Variants in COL4A2 observed in about 807,000 individuals in gnomAD.
COL4A2 encodes the protein collagen type IV alpha 2 chain.
A neutral mutation model predicts 200.2 loss-of-function variants in COL4A2; 99 were observed. The ratio of observed to expected loss-of-function variants is 0.49; its 90% CI spans 0.42 to 0.58. The LOEUF (loss-of-function observed/expected upper bound fraction) is 0.58. COL4A2 is among the 20% of genes least tolerant of loss of function. COL4A2 has a pLI of 0.00. For synonymous variants in COL4A2, 897 were observed against 900.6 expected, an observed-to-expected ratio of 1.00 and a Z score of 0.07; for missense variants, 1,950 against 2,314.1, an observed-to-expected ratio of 0.84 and a Z score of 3.23.
At chr13:110,397,448 T>A (rs1458951272) in intron 4 of COL4A2, among the ~76,000 whole-genome samples, 1 of 152,232 alleles carries the variant, frequency 6.6e-6, no homozygotes, top group African/African-American at 2.4e-5. Flanking sequence ...TGAATTTTTA[T>A]TTCTCATTTC....
intron 3 of COL4A2, among the ~76,000 whole-genome samples, chr13:110,323,879 G>A (rs916054780): frequency 2.0e-5 from 3 of 152,190 alleles, no homozygotes; most frequent in Admixed American, 2.0e-4. Context: ...GGGACTTTTT[G>A]TTCAGAATCA....
chr13:110,320,413 T>C (rs1439869865), intron 3 of COL4A2, among the ~76,000 whole-genome samples: 2 of 152,258 alleles, frequency 1.3e-5, no homozygotes, highest in Non-Finnish European at 2.9e-5. Flanking sequence ...GATTGGAATT[T>C]AATGGTCTAG....
In COL4A2 at chr13:110,456,296, CGT is replaced by C. The variant is rs568471032; in HGVS notation, c.1340-1039_1340-1038del. 2.4e-3 allele frequency: 509 copies of C among 212,472 alleles called. 3 individuals carry two copies. The highest frequency in any genetic ancestry group is 2.8e-3 in the Non-Finnish European group (294 of 105,572). The allele number at this position is 212,472 out of a possible 1,614,324, so 13.2% of individuals were successfully genotyped here. On this transcript the variant is annotated intron_variant, in intron 20 of 47. Coordinates refer to ENST00000360467, the MANE Select transcript of COL4A2 (RefSeq NM_001846.4). The stretch of plus-strand genomic sequence containing the variant: ...ATTAGCATAACAGTTATCCTAACTC[CGT>C]GTGTGTGCATGTAAGGCATGAAAGA...
chr13:110,462,263 C>T lies in COL4A2; in HGVS notation c.1670-15C>T, dbSNP rs371324929. The T allele has an allele frequency of 5.0e-5, 80 of 1,614,130 alleles. No homozygotes were observed. Among genetic ancestry groups the T allele is most frequent in the Non-Finnish European group, 6.6e-5 (78 of 1,180,048 alleles). On this transcript the variant is annotated splice_polypyrimidine_tract_variant and intron_variant, in intron 23 of 47. Transcript: ENST00000360467. Reference sequence around the variant, plus strand: ...GCACCTGCCTGGGCAGCTTCACATGCAAATCCCTTTCTAGGTGAGCGGGGA... The same window carrying T: ...GCACCTGCCTGGGCAGCTTCACATGTAAATCCCTTTCTAGGTGAGCGGGGA...
chr13:110,509,268 T>TACACACACACACACAC (rs1474219877), intron 47 of COL4A2, among the ~76,000 whole-genome samples: 5 of 120,622 alleles, frequency 4.1e-5, no homozygotes, highest in African/African-American at 1.9e-4. Flanking sequence ...TATATATATA[T>TACACACACACACACAC]ATACACACAC....
intron 4 of COL4A2, among the ~76,000 whole-genome samples, chr13:110,373,589 A>G (rs972856042): frequency 1.7e-4 from 26 of 152,362 alleles, no homozygotes; most frequent in African/African-American, 5.8e-4. Context: ...ATTCACACTC[A>G]GGGGTGTCTC....
At chr13:110,320,340 C>T (rs1885245290) in intron 3 of COL4A2, among the ~76,000 whole-genome samples, 1 of 152,248 alleles carries the variant, frequency 6.6e-6, no homozygotes, top group African/African-American at 2.4e-5. Context: ...ACTCCCAGTG[C>T]TGTGATTTCT....
chr13:110,451,493 T>G (rs56414063), intron 20 of COL4A2, among the ~76,000 whole-genome samples: 4,568 of 152,150 alleles, frequency 0.03, 212 homozygotes, highest in African/African-American at 0.1. Context: ...CCTCGGGAAA[T>G]TTACAATCAT....
Position 110,472,985 on chromosome 13 carries a change from TC to T in COL4A2, c.2264del (p.Pro755GlnfsTer65). The T allele has an allele frequency of 6.5e-7, 1 of 1,538,464 alleles. No individual in the cohort carries two copies. Among genetic ancestry groups the T allele is most frequent in the Non-Finnish European group, 8.7e-7 (1 of 1,143,792 alleles). On this transcript the variant is annotated frameshift_variant, in exon 29 of 48. Transcript: ENST00000360467. LOFTEE classifies it high-confidence loss of function. ...AGTGGGCCTCCCTGGCCCAGATGGA[TC>T]CCCAGGTCCCATCGGCCTGCCAGGG... ...GAVGLPGPDG[S>X]PGPIGLPGPD...
intron 31 of COL4A2, 120 bp downstream of exon 31, chr13:110,480,510 A>C: frequency 9.3e-7 from 1 of 1,072,584 alleles, no homozygotes; most frequent in Non-Finnish European, 1.3e-6. Context: ...ACACTTCTGC[A>C]GATTGGAGGC....
intron 3 of COL4A2, among the ~76,000 whole-genome samples, chr13:110,345,765 T>C (rs771997847): frequency 1.3e-5 from 2 of 152,262 alleles, no homozygotes; most frequent in East Asian, 3.9e-4. Flanking sequence ...TTTCTGGCAA[T>C]TGGTCCACTG....
At chr13:110,450,238 C>T in intron 19 of COL4A2, 67 bp from the exon 20 acceptor site, 4 of 1,452,808 alleles carry the variant, frequency 2.8e-6, no homozygotes, top group Non-Finnish European at 3.8e-6. Context: ...CCCCTCTGGA[C>T]ACGAACACAA....
chr13:110,506,479 C>G lies in COL4A2; in HGVS notation c.4467C>G (p.Gly1489=). 6.2e-7 allele frequency: 1 copy of G among 1,612,612 alleles called. No individual in the cohort carries two copies. The highest frequency in any genetic ancestry group is 1.1e-5 in the South Asian group (1 of 90,928). Residue 1489 remains glycine, a synonymous_variant, in exon 46 of 48, where the codon GGC becomes GGG. Coordinates refer to ENST00000360467, the MANE Select transcript of COL4A2 (RefSeq NM_001846.4). ...TGCCAGGCCGCAGCGTCAGCATCGG[C>G]TACCTCCTGGTGAAGCACAGCCAGA... ...PGMPGRSVSI[G]YLLVKHSQTD... is the part of the protein sequence containing the mutation.
At chr13:110,380,602 A>G (rs758388251) in intron 4 of COL4A2, among the ~76,000 whole-genome samples, 1 of 152,190 alleles carries the variant, frequency 6.6e-6, no homozygotes, top group Non-Finnish European at 1.5e-5. Flanking sequence ...AGAGGGCACT[A>G]GGAGGCTCAT....
rs1255964452 is a variant in COL4A2, at chr13:110,377,706, AT to A, written c.180+20155del. ...GGCTTTGACTATGGGGAAATTCATTATGTTGAGCTAACCTTGGTGAAACAAT... is the reference window on the plus strand; with the variant it reads ...GGCTTTGACTATGGGGAAATTCATTAGTTGAGCTAACCTTGGTGAAACAAT... On this transcript the variant is annotated intron_variant, in intron 4 of 47. Coordinates refer to ENST00000360467, the MANE Select transcript of COL4A2 (RefSeq NM_001846.4). Among the ~76,000 whole-genome samples, 8 of 152,250 alleles carry A rather than the reference AT, an allele frequency of 5.3e-5. No individual in the cohort carries two copies. In the East Asian group the frequency reaches 1.5e-3, roughly 29 times the overall value.
intron 4 of COL4A2, among the ~76,000 whole-genome samples, chr13:110,376,610 G>A (rs78234607): frequency 0.041 from 6,259 of 151,938 alleles, 145 homozygotes; most frequent in Middle Eastern, 0.12. Context: ...GCAAATTATC[G>A]GAAGGAATGC....
rs7335080 is a variant in COL4A2, at chr13:110,326,052, G to A, written c.99+17929G>A. On this transcript the variant is annotated intron_variant, in intron 3 of 47. Transcript: ENST00000360467. ...CCTCCCTCCTTGGCCTCCCAAAGTAGTGGGATTACGGGCATGAGCCACCAA... is the reference window on the plus strand; with the variant it reads ...CCTCCCTCCTTGGCCTCCCAAAGTAATGGGATTACGGGCATGAGCCACCAA... 8.9e-3 allele frequency among the ~76,000 whole-genome samples: 1,355 copies of A among 152,204 alleles called. 30 individuals carry two copies. Among genetic ancestry groups the A allele is most frequent in the African/African-American group, 0.03 (1,261 of 41,518 alleles).
chr13:110,445,704 G>C (rs928902570), intron 16 of COL4A2, 125 bp from the exon 17 acceptor site: 3 of 1,262,000 alleles, frequency 2.4e-6, no homozygotes, highest in Non-Finnish European at 3.4e-6. Flanking sequence ...ATTGAGCACA[G>C]ACTGGGTTAA....
At chr13:110,311,016 G>A (rs527476612) in intron 3 of COL4A2, among the ~76,000 whole-genome samples, 2 of 152,310 alleles carry the variant, frequency 1.3e-5, no homozygotes, top group African/African-American at 4.8e-5. Context: ...GTGGCCGGGA[G>A]GGCACTCCTG....
Sources: gnomAD v4.1 joint callset for allele counts (sites outside exome capture counted in the v4.1 genomes callset) on GRCh38, gnomAD v4.1.1 for gene constraint, MANE v1.5 for transcripts, NCBI Gene and HGNC (gene_info 2026-07-23, HGNC 2026-07-21) for gene names.